The following SCN2A variants were observed in gnomAD, a reference collection of about 807,000 sequenced individuals.
SCN2A encodes sodium channel protein type 2 subunit alpha.
Under a neutral mutation model 188.7 loss-of-function variants are expected in SCN2A, and 20 were observed. The ratio of observed to expected loss-of-function variants is 0.11; its 90% CI spans 0.07 to 0.15. The LOEUF (loss-of-function observed/expected upper bound fraction) is 0.15, where lower values mean the gene tolerates loss of function less well. SCN2A is among the 10% of genes least tolerant of loss of function. SCN2A has a pLI of 1.00. For synonymous variants in SCN2A, 804 were observed against 833.1 expected (o/e 0.97, Z 0.60); for missense variants, 1,278 against 2,445.0 (o/e 0.52, Z 10.07).
At chr2:165,342,135 A>G (rs1248227199) in intron 14 of SCN2A, among the ~76,000 whole-genome samples, 161 bp from the exon 15 acceptor site, 13 of 152,186 alleles carry the variant, frequency 8.5e-5, no homozygotes, top group Non-Finnish European at 5.9e-5. Flanking sequence ...ACAATTATTG[A>G]TTTGAATGCA....
chr2:165,255,011 G>C (rs146501240), intron 1 of SCN2A, among the ~76,000 whole-genome samples: 1 of 151,868 alleles, frequency 6.6e-6, no homozygotes, highest in East Asian at 1.9e-4. Flanking sequence ...TTGGCAATCT[G>C]TTCTATGCTT....
At chr2:165,306,354 G>T (rs1452117065) in intron 3 of SCN2A, among the ~76,000 whole-genome samples, 2 of 152,084 alleles carry the variant, frequency 1.3e-5, no homozygotes, top group Non-Finnish European at 2.9e-5. Flanking sequence ...TCTGCCACGG[G>T]GTGTTATTTT....
intron 11 of SCN2A, among the ~76,000 whole-genome samples, chr2:165,316,169 A>G (rs1005897077): frequency 6.6e-6 from 1 of 152,170 alleles, no homozygotes; most frequent in Non-Finnish European, 1.5e-5. Context: ...GGTTGTTCCC[A>G]TAAGGTGCAA....
At chr2:165,259,931 ATTTTTTTT>A (rs140137535) in intron 1 of SCN2A, among the ~76,000 whole-genome samples, 4 of 89,472 alleles carry the variant, frequency 4.5e-5, no homozygotes, top group East Asian at 3.0e-4. Flanking sequence ...CTAAAAATGG[ATTTTTTTT>A]TTTTTTTTTT....
chr2:165,377,072 G>A (rs1701353073), intron 22 of SCN2A, among the ~76,000 whole-genome samples: 1 of 151,950 alleles, frequency 6.6e-6, no homozygotes, highest in Non-Finnish European at 1.5e-5. Flanking sequence ...TTCAGATTAG[G>A]AAACTGCTTC....
chr2:165,347,395 G>A (rs1699654385), intron 16 of SCN2A, among the ~76,000 whole-genome samples: 2 of 151,496 alleles, frequency 1.3e-5, no homozygotes, highest in Non-Finnish European at 1.5e-5. Context: ...TGAACAATGA[G>A]AACACATGGA....
At position 165,354,400 on chromosome 2, in the gene SCN2A, A is replaced by C. The variant is rs2105337160; in HGVS notation, c.3128A>C (p.Glu1043Ala). 6.2e-7 allele frequency: 1 copy of C among 1,614,064 alleles called. No individual in the cohort carries two copies. Among genetic ancestry groups the C allele is most frequent in the Non-Finnish European group, 8.5e-7 (1 of 1,179,944 alleles). The change falls in exon 17 of 27, where the codon GAA (glutamate) becomes GCA (alanine). Residue 1043 changes from glutamate (E) to alanine (A), a missense_variant. Physicochemically the swap from Glu to Ala is moderately radical, Grantham distance 107 (BLOSUM62 -1). Transcript: ENST00000375437. ...QKALDEIKPL[E>A]DLNNKKDSCI... ...GCTTTAGATGAAATTAAACCGCTTG[A>C]AGATCTAAATAATAAAAAAGACAGC...
At position 165,354,355 on chromosome 2, in the gene SCN2A, C is replaced by T. The variant is rs553589945; in HGVS notation, c.3083C>T (p.Ala1028Val). The change falls in exon 17 of 27, where the codon GCC (alanine) becomes GTC (valine). Residue 1028 changes from alanine to valine, a missense_variant. Transcript: ENST00000375437. Reference sequence around the variant, plus strand: ...AAAATACGTGAATTTATTCAGAAAGCCTTTGTTAGGAAGCAGAAAGCTTTA... The same window carrying T: ...AAAATACGTGAATTTATTCAGAAAGTCTTTGTTAGGAAGCAGAAAGCTTTA... ...KRKIREFIQK[A>V]FVRKQKALDE... is the part of the protein sequence containing the mutation. 1.9e-6 allele frequency: 3 copies of T among 1,613,848 alleles called. No homozygotes were observed. The highest frequency in any genetic ancestry group is 1.6e-4 in the Middle Eastern group (1 of 6,082).
At chr2:165,373,160 C>G (rs923769346) in intron 20 of SCN2A, 65 bp from the exon 21 acceptor site, 2 of 1,552,948 alleles carry the variant, frequency 1.3e-6, no homozygotes, top group African/African-American at 1.4e-5. Context: ...TTGCATAGAG[C>G]AAGGCTGAAC....
At chr2:165,244,413 A>T (rs1693755069) in intron 1 of SCN2A, among the ~76,000 whole-genome samples, 1 of 151,328 alleles carries the variant, frequency 6.6e-6, no homozygotes, top group African/African-American at 2.4e-5. Context: ...CAGAAGTATA[A>T]TTTTTTTTTC....
At chr2:165,291,514 C>T (rs796735444) in intron 1 of SCN2A, among the ~76,000 whole-genome samples, 2,371 of 40,512 alleles carry the variant, frequency 0.059, 82 homozygotes, top group Admixed American at 0.086. Flanking sequence ...TTTCTTTCTT[C>T]CTCTCCTTTC....
intron 1 of SCN2A, among the ~76,000 whole-genome samples, chr2:165,284,915 C>A (rs1221850062): frequency 6.6e-6 from 1 of 152,164 alleles, no homozygotes. Context: ...CTTAATACAT[C>A]TGAAGATTTT....
chr2:165,389,218 G>T lies in SCN2A; in HGVS notation c.5412G>T (p.Lys1804Asn), dbSNP rs759697991. ...DFEMFYEVWE[K>N]FDPDATQFIE... ...AGATGTTCTATGAGGTTTGGGAGAAGTTTGATCCCGATGCGACCCAGTTTA... is the reference window on the plus strand; with the variant it reads ...AGATGTTCTATGAGGTTTGGGAGAATTTTGATCCCGATGCGACCCAGTTTA... Residue 1804 changes from lysine (K) to asparagine (N), a missense_variant, in exon 27 of 27, where the codon AAG (lysine) becomes AAT (asparagine). Transcript: ENST00000375437. This position sits in a 1 kb window ranked among gnomAD's most constrained non-coding sequence, Gnocchi z 4.2. 48 of 1,613,932 alleles carry T rather than the reference G, an allele frequency of 3.0e-5. No homozygotes were observed. The highest frequency in any genetic ancestry group is 4.0e-5 in the Non-Finnish European group (47 of 1,180,000).
At chr2:165,322,703 G>A (rs1034921677) in intron 11 of SCN2A, among the ~76,000 whole-genome samples, 1 of 152,212 alleles carries the variant, frequency 6.6e-6, no homozygotes, top group Non-Finnish European at 1.5e-5. Flanking sequence ...GCATCAGGGT[G>A]TGGTCACTAG....
At chr2:165,256,004 T>TTTTTC (rs1553557654) in intron 1 of SCN2A, among the ~76,000 whole-genome samples, 2 of 139,326 alleles carry the variant, frequency 1.4e-5, no homozygotes, top group East Asian at 4.1e-4. Context: ...TCTTTTCTTT[T>TTTTTC]TTTTTTTTTT....
intron 8 of SCN2A, among the ~76,000 whole-genome samples, chr2:165,313,386 AAATAT>A (rs1355550614): frequency 6.6e-6 from 1 of 152,198 alleles, no homozygotes; most frequent in Non-Finnish European, 1.5e-5. Flanking sequence ...GAGACATAAT[AAATAT>A]AATAATGACA....
At chr2:165,246,174 A>T (rs1693837961) in intron 1 of SCN2A, among the ~76,000 whole-genome samples, 1 of 152,342 alleles carries the variant, frequency 6.6e-6, no homozygotes, top group South Asian at 2.1e-4. Flanking sequence ...ACATTTGGGT[A>T]TGCATCTTTT....
In SCN2A at chr2:165,364,828, C is replaced by T. The variant is rs192661033; in HGVS notation, c.3400-315C>T. On this transcript the variant is annotated intron_variant, in intron 17 of 26. Coordinates refer to ENST00000375437, the MANE Select transcript of SCN2A (RefSeq NM_001040142.2). ...GCAAACTAATGTACAAAAGCAAGAT[C>T]GCAGATGATTATATGACTCTGGCAG... is the stretch of plus-strand genomic sequence containing the variant. 4.6e-3 allele frequency among the ~76,000 whole-genome samples: 706 copies of T among 152,218 alleles called. 3 individuals are homozygous for T. The highest frequency in any genetic ancestry group is 7.7e-3 in the Non-Finnish European group (523 of 68,012).
Position 165,364,202 on chromosome 2 carries a change from T to C in SCN2A, c.3400-941T>C, listed in dbSNP as rs140488075. Among the ~76,000 whole-genome samples, 12 of 152,262 alleles carry C rather than the reference T, an allele frequency of 7.9e-5. 1 individual carries two copies. In the East Asian group the frequency reaches 2.3e-3, roughly 29 times the overall value. On this transcript the variant is annotated intron_variant, in intron 17 of 26. Transcript: ENST00000375437. ...ATGTTATGCACTAATGGTAATAACA[T>C]TGTAACAGGTCCGAGAATGCTGTGG...
Sources: gnomAD v4.1 joint callset for allele counts (sites outside exome capture counted in the v4.1 genomes callset) on GRCh38, gnomAD v4.1.1 for gene constraint, Gnocchi (gnomAD v3.1) non-coding constraint, MANE v1.5 for transcripts, NCBI Gene and HGNC (gene_info 2026-07-23, HGNC 2026-07-21) for gene names.